The following ZNF676 variants were observed in gnomAD, a reference collection of about 807,000 sequenced individuals.
The protein encoded by ZNF676 is zinc finger protein 676.
A neutral mutation model predicts 6.0 loss-of-function variants in ZNF676; 4 were observed. That is an observed-to-expected ratio of 0.67 (90% confidence interval 0.33 to 1.53). ZNF676 has a LOEUF of 1.53. Ranked by LOEUF, ZNF676 falls within the 40% of genes most tolerant of loss-of-function variation. The probability of loss-of-function intolerance (pLI) is 0.06; values close to 1 mark genes in which losing one functional copy is unlikely to be tolerated. For missense variants in ZNF676, 644 were observed against 679.7 expected (o/e 0.95, Z 0.58); for synonymous variants, 198 against 223.1 (o/e 0.89, Z 1.00).
chr19:22,180,653 T>C lies in ZNF676; in HGVS notation c.1064A>G (p.His355Arg), dbSNP rs1169458947. ...AFNRSSILTK[H>R]KIIHTGEKPY... ...TTTCTCTCCAGTATGAATAATCTTATGTTTAGTAAGGATTGAGGATCGATT... is the reference window on the plus strand; with the variant it reads ...TTTCTCTCCAGTATGAATAATCTTACGTTTAGTAAGGATTGAGGATCGATT... Residue 355 changes from histidine (H) to arginine (R), a missense_variant, in exon 3 of 3, where the codon CAT becomes CGT. By Grantham distance (29) the His-to-Arg change is conservative (BLOSUM62 0). Transcript: ENST00000397121. The C allele has an allele frequency of 2.5e-6, 4 of 1,612,680 alleles. No homozygotes were observed. The highest frequency in any genetic ancestry group is 3.4e-6 in the Non-Finnish European group (4 of 1,179,478).
At chr19:22,185,770 A>G (rs2023829883) in intron 2 of ZNF676, among the ~76,000 whole-genome samples, 1 of 152,210 alleles carries the variant, frequency 6.6e-6, no homozygotes, top group African/African-American at 2.4e-5. Context: ...ATAATGCAGA[A>G]GAAAGGATAT....
At chr19:22,227,260 A>G in the ZNF676 span, among the ~76,000 whole-genome samples, 1 of 152,198 alleles carries the variant, frequency 6.6e-6, no homozygotes, top group Non-Finnish European at 1.5e-5. Flanking sequence ...CAGAATGACT[A>G]CTGGGGAAAT....
chr19:22,199,594 A>G (rs1328124203), upstream of ZNF676, among the ~76,000 whole-genome samples: 1 of 152,176 alleles, frequency 6.6e-6, no homozygotes, highest in African/African-American at 2.4e-5. Flanking sequence ...CAGCATTTTT[A>G]TTTCTATTTG....
At chr19:22,238,918 T>G in the ZNF676 span, among the ~76,000 whole-genome samples, 4 of 152,194 alleles carry the variant, frequency 2.6e-5, 1 homozygote, top group Non-Finnish European at 5.9e-5. Context: ...CCATCCAGAT[T>G]AAGGGTGAGT....
rs762735825 is a variant in ZNF676, at chr19:22,181,548, G to C, written c.169C>G (p.Gln57Glu). The part of the protein sequence containing the change: ...SHFSQEFWPE[Q>E]GIEDSFQKMI... ...TTTTGGAAAGAATCTTCTATGCCTTGCTCTGGCCAAAACTCTTGGGAAAAA... is the reference window on the plus strand; with the variant it reads ...TTTTGGAAAGAATCTTCTATGCCTTCCTCTGGCCAAAACTCTTGGGAAAAA... Residue 57 changes from glutamine to glutamate, a missense_variant, in exon 3 of 3, where the codon CAA (glutamine) becomes GAA (glutamate). By Grantham distance (29) the Gln-to-Glu change is conservative (BLOSUM62 2). Transcript: ENST00000397121. The C allele has an allele frequency of 1.3e-6, 2 of 1,593,480 alleles. No homozygotes were observed. The highest frequency in any genetic ancestry group is 1.8e-5 in the Admixed American group (1 of 55,460).
chr19:22,195,362 T>C (rs561414799), intron 1 of ZNF676, among the ~76,000 whole-genome samples: 2 of 152,318 alleles, frequency 1.3e-5, no homozygotes, highest in East Asian at 3.9e-4. Context: ...CCCTGGGCTA[T>C]GGATTTCTAA....
intron 2 of ZNF676, among the ~76,000 whole-genome samples, chr19:22,187,375 T>C (rs1308754138): frequency 6.6e-6 from 1 of 152,160 alleles, no homozygotes; most frequent in African/African-American, 2.4e-5. Flanking sequence ...AAAGCAGCAG[T>C]GTCTACAAAA....
rs2023712003 is a variant in ZNF676, at chr19:22,180,184, G to T, written c.1533C>A (p.Gly511=). The T allele has an allele frequency of 2.5e-6, 4 of 1,613,248 alleles. No individual in the cohort carries two copies. In the African/African-American group the frequency reaches 4.0e-5, roughly 16 times the overall value. The change falls in exon 3 of 3, where the codon GGC becomes GGA. Residue 511 remains glycine, a synonymous_variant. Transcript: ENST00000397121. ...GGATCGAGGACCAGCTGAAGGCTTT[G>T]CCACATTCTTCACATTTGTAGCGTT... The part of the protein sequence containing the change: ...GEKRYKCEEC[G]KAFSWSSILT...
At chr19:22,243,199 CT>C in the ZNF676 span, 1 of 151,892 alleles carries the variant, frequency 6.6e-6, no homozygotes, top group Non-Finnish European at 1.5e-5. Flanking sequence ...ATGTTACAAT[CT>C]TTCTGTGGGC....
At chr19:22,232,192 G>A in the ZNF676 span, among the ~76,000 whole-genome samples, 1 of 150,882 alleles carries the variant, frequency 6.6e-6, no homozygotes, top group African/African-American at 2.4e-5. Flanking sequence ...TTTTTTAGAC[G>A]GAGTCTCGCT....
chr19:22,241,202 A>T, the ZNF676 span, among the ~76,000 whole-genome samples: 1 of 151,962 alleles, frequency 6.6e-6, no homozygotes, highest in Non-Finnish European at 1.5e-5. Flanking sequence ...AGAAGCATAC[A>T]TCAGAATCAC....
At chr19:22,197,758 A>T (rs1442053950), upstream of ZNF676, among the ~76,000 whole-genome samples, 3 of 152,174 alleles carry the variant, frequency 2.0e-5, no homozygotes, top group Non-Finnish European at 2.9e-5. Context: ...AAAATGATTA[A>T]TTCCATAGTA....
chr19:22,226,865 C>G, the ZNF676 span, among the ~76,000 whole-genome samples: 1 of 152,102 alleles, frequency 6.6e-6, no homozygotes, highest in South Asian at 2.1e-4. Context: ...TCCCAAAGTT[C>G]TCGGGTTACA....
upstream of ZNF676, among the ~76,000 whole-genome samples, chr19:22,200,664 A>G (rs2024016846): frequency 6.6e-6 from 1 of 151,960 alleles, no homozygotes; most frequent in Non-Finnish European, 1.5e-5. Context: ...GACTACAGGC[A>G]TGAGCCACCA....
upstream of ZNF676, among the ~76,000 whole-genome samples, chr19:22,217,529 T>A (rs2024204994): frequency 6.6e-6 from 1 of 151,790 alleles, no homozygotes; most frequent in South Asian, 2.1e-4. Flanking sequence ...TGCCTTTGCA[T>A]CTTCATAGCT....
upstream of ZNF676, among the ~76,000 whole-genome samples, chr19:22,201,002 T>C (rs1015429142): frequency 2.1e-4 from 32 of 152,092 alleles, no homozygotes; most frequent in African/African-American, 7.5e-4. Flanking sequence ...TGTGAGAGGG[T>C]TCCCAGTGAA....
At chr19:22,238,893 T>C in the ZNF676 span, among the ~76,000 whole-genome samples, 81 of 152,316 alleles carry the variant, frequency 5.3e-4, no homozygotes, top group African/African-American at 1.9e-3. Context: ...ACGTTGGCAG[T>C]TGATTAGATT....
upstream of ZNF676, among the ~76,000 whole-genome samples, chr19:22,216,769 G>T (rs1277295681): frequency 1.3e-5 from 2 of 150,662 alleles, no homozygotes; most frequent in African/African-American, 4.9e-5. Context: ...GATTACAGGC[G>T]CCCACCACCA....
At chr19:22,237,390 C>T in the ZNF676 span, among the ~76,000 whole-genome samples, 3 of 152,146 alleles carry the variant, frequency 2.0e-5, no homozygotes, top group African/African-American at 4.8e-5. Flanking sequence ...CACCATAATC[C>T]CACACCCTTA....
Sources: allele counts gnomAD v4.1 joint callset (sites outside exome capture counted in the v4.1 genomes callset), GRCh38; gene constraint gnomAD v4.1.1; transcripts MANE v1.5; gene names NCBI Gene and HGNC (gene_info 2026-07-23, HGNC 2026-07-21).